The following DCLK2 variants were observed in gnomAD, a reference collection of about 807,000 sequenced individuals.
DCLK2 encodes doublecortin like kinase 2.
In DCLK2, 31 loss-of-function variants were observed where a neutral mutation model predicts 78.4. That is an observed-to-expected ratio of 0.40 (90% CI 0.30 to 0.53). DCLK2 has a LOEUF of 0.53. Among genes scored for constraint, DCLK2 ranks in the 20% least tolerant of loss-of-function variants. DCLK2 has a pLI of 0.61. For synonymous variants in DCLK2, 407 were observed against 374.9 expected (o/e 1.09, Z -0.99); for missense variants, 872 against 973.7 (o/e 0.90, Z 1.39).
chr4:150,255,182 G>A (rs947585772), intron 15 of DCLK2, among the ~76,000 whole-genome samples: 2 of 152,180 alleles, frequency 1.3e-5, no homozygotes, highest in African/African-American at 4.8e-5. Flanking sequence ...CCTCCCCAGG[G>A]TAGTTAGATT....
intron 3 of DCLK2, among the ~76,000 whole-genome samples, chr4:150,193,451 G>T (rs770578447): frequency 6.6e-6 from 1 of 152,032 alleles, no homozygotes; most frequent in South Asian, 2.1e-4. Context: ...AAAAGAAAAA[G>T]AATAACCCAA....
chr4:150,113,252 G>C (rs1731831014), intron 2 of DCLK2, among the ~76,000 whole-genome samples: 1 of 152,158 alleles, frequency 6.6e-6, no homozygotes, highest in Non-Finnish European at 1.5e-5. Flanking sequence ...CTAGTACTGG[G>C]TTAATGGAAT....
chr4:150,145,386 A>G (rs1734398375), intron 2 of DCLK2, among the ~76,000 whole-genome samples: 1 of 152,166 alleles, frequency 6.6e-6, no homozygotes, highest in African/African-American at 2.4e-5. Flanking sequence ...TCTTACATGT[A>G]AAAGATGATG....
chr4:150,199,971 C>T (rs1348651686), intron 4 of DCLK2, among the ~76,000 whole-genome samples: 1 of 152,154 alleles, frequency 6.6e-6, no homozygotes, highest in East Asian at 1.9e-4. Flanking sequence ...AGTGCCTGTG[C>T]ATAGCCACTG....
chr4:150,102,550 G>C lies in DCLK2; in HGVS notation c.494G>C (p.Trp165Ser), dbSNP rs779527956. The C allele has an allele frequency of 1.2e-6, 2 of 1,614,118 alleles. No individual in the cohort carries two copies. Among genetic ancestry groups the C allele is most frequent in the Non-Finnish European group, 1.7e-6 (2 of 1,180,022 alleles). ...VDYTKNINPN[W>S]SVNIKGGTSR... ...TACACCAAAAATATTAATCCAAACTGGTCTGTGAACATCAAGGGTGGGACA... is the reference window on the plus strand; with the variant it reads ...TACACCAAAAATATTAATCCAAACTCGTCTGTGAACATCAAGGGTGGGACA... Residue 165 changes from tryptophan (W) to serine (S), a missense_variant, in exon 2 of 16, where the codon TGG (tryptophan) becomes TCG (serine). Transcript: ENST00000296550.
intron 2 of DCLK2, among the ~76,000 whole-genome samples, chr4:150,167,617 C>T (rs774645709): frequency 6.6e-6 from 1 of 152,176 alleles, no homozygotes; most frequent in Non-Finnish European, 1.5e-5. Flanking sequence ...CAGGCATGAG[C>T]AGGGCAAGAG....
chr4:150,245,635 G>A (rs1414169829), intron 12 of DCLK2, among the ~76,000 whole-genome samples: 1 of 151,904 alleles, frequency 6.6e-6, no homozygotes, highest in Non-Finnish European at 1.5e-5. Flanking sequence ...TTTTGTCCTT[G>A]CGATAGTTTG....
At chr4:150,134,076 C>CTTTTT (rs768954755) in intron 2 of DCLK2, among the ~76,000 whole-genome samples, 1,601 of 94,822 alleles carry the variant, frequency 0.017, 44 homozygotes, top group African/African-American at 0.029. Flanking sequence ...CGTATAAACT[C>CTTTTT]TTTTTTTTTT....
chr4:150,234,286 G>C (rs1446953459), intron 10 of DCLK2, among the ~76,000 whole-genome samples: 1 of 152,226 alleles, frequency 6.6e-6, no homozygotes, highest in East Asian at 1.9e-4. Flanking sequence ...TGCTGCACTT[G>C]CTACGGTGTT....
intron 2 of DCLK2, among the ~76,000 whole-genome samples, chr4:150,188,697 C>A (rs1036622363): frequency 6.6e-6 from 1 of 151,666 alleles, no homozygotes; most frequent in African/African-American, 2.4e-5. Context: ...GTCAGGAGAT[C>A]GAGACCATCC....
chr4:150,097,614 A>G (rs921263175), intron 1 of DCLK2, among the ~76,000 whole-genome samples: 2 of 152,240 alleles, frequency 1.3e-5, no homozygotes, highest in Non-Finnish European at 2.9e-5. Flanking sequence ...CTATATATGC[A>G]GTAATGCAAA....
intron 4 of DCLK2, 40 bp downstream of exon 4, chr4:150,198,143 A>T (rs769243751): frequency 3.2e-6 from 5 of 1,540,340 alleles, no homozygotes; most frequent in Middle Eastern, 1.7e-4. Context: ...TAGCAGGAAC[A>T]GATCATTTTC....
chr4:150,192,023 A>G (rs1580686423), intron 2 of DCLK2, among the ~76,000 whole-genome samples: 1 of 152,168 alleles, frequency 6.6e-6, no homozygotes, highest in Non-Finnish European at 1.5e-5. Context: ...CACATATCCC[A>G]TTGAAAACTG....
intron 7 of DCLK2, among the ~76,000 whole-genome samples, chr4:150,222,231 A>T (rs1741241200): frequency 6.6e-6 from 1 of 152,132 alleles, no homozygotes; most frequent in South Asian, 2.1e-4. Context: ...CTGGAATTAC[A>T]GGCATGAGTG....
chr4:150,139,002 A>G, intron 2 of DCLK2, among the ~76,000 whole-genome samples: 1 of 152,156 alleles, frequency 6.6e-6, no homozygotes, highest in East Asian at 1.9e-4. Context: ...TTAAAAAAAA[A>G]AAAGGTTTTC....
At chr4:150,252,084 G>A (rs775426839) in intron 15 of DCLK2, among the ~76,000 whole-genome samples, 2 of 152,152 alleles carry the variant, frequency 1.3e-5, no homozygotes, top group Non-Finnish European at 2.9e-5. Context: ...GTGTTTTGCT[G>A]AAAGCCTGAG....
intron 1 of DCLK2, among the ~76,000 whole-genome samples, chr4:150,087,057 T>A (rs919646839): frequency 2.6e-5 from 4 of 152,232 alleles, no homozygotes; most frequent in Admixed American, 2.6e-4. Context: ...ATTCTTTTAT[T>A]CCTTAAAACA....
chr4:150,098,235 T>C (rs753246694), intron 1 of DCLK2, among the ~76,000 whole-genome samples: 2 of 152,114 alleles, frequency 1.3e-5, no homozygotes, highest in Non-Finnish European at 2.9e-5. Flanking sequence ...GGTAAAGAAA[T>C]GGCAGTCACT....
At chr4:150,214,091 C>T (rs1740506202) in intron 5 of DCLK2, among the ~76,000 whole-genome samples, 1 of 152,164 alleles carries the variant, frequency 6.6e-6, no homozygotes, top group Admixed American at 6.5e-5. Context: ...TGTGGGTGTC[C>T]TCCTTCCTTT....
Sources: gnomAD v4.1 joint callset for allele counts (sites outside exome capture counted in the v4.1 genomes callset) on GRCh38, gnomAD v4.1.1 for gene constraint, MANE v1.5 for transcripts, NCBI Gene and HGNC (gene_info 2026-07-23, HGNC 2026-07-21) for gene names.